EXOC6: variants seen among roughly 807,000 people sequenced by gnomAD.
The protein encoded by EXOC6 is exocyst complex component 6.
EXOC6 carries 60 observed loss-of-function variants against 112.5 expected under a neutral mutation model. That is an observed-to-expected ratio of 0.53 (90% confidence interval 0.43 to 0.66). The LOEUF is 0.66. EXOC6 is among the 30% of genes least tolerant of loss of function. The pLI is 0.00. For synonymous variants in EXOC6, 295 were observed against 308.0 expected (o/e 0.96, Z 0.44); for missense variants, 855 against 957.1 (o/e 0.89, Z 1.41).
In EXOC6 at chr10:93,057,026, C is replaced by G. The variant is rs1229522313; in HGVS notation, c.2272C>G (p.Leu758Val). 6.4e-7 allele frequency: 1 copy of G among 1,554,644 alleles called. No homozygotes were observed. The highest frequency in any genetic ancestry group is 2.1e-5 in the Admixed American group (1 of 47,772). ...LRVNPNTALT[L>V]LEKMKDTSKK... ...GGTGAATCCAAACACAGCCCTTACTCTTTTGGAGAAGTGAGTATATTCTGA... is the reference window on the plus strand; with the variant it reads ...GGTGAATCCAAACACAGCCCTTACTGTTTTGGAGAAGTGAGTATATTCTGA... Residue 758 changes from leucine to valine, a missense_variant, in exon 21 of 22, where the codon CTT becomes GTT. Around this residue, in one of 2 missense-constraint regions of EXOC6, gnomAD observed 450 missense variants for 563.5 expected, o/e 0.80. Transcript: ENST00000260762.
chr10:92,852,426 A>G (rs754569082), intron 1 of EXOC6, among the ~76,000 whole-genome samples: 1 of 149,306 alleles, frequency 6.7e-6, no homozygotes, highest in Non-Finnish European at 1.5e-5. Flanking sequence ...CTAGAAAAGG[A>G]AACTAAATCA....
At chr10:92,990,649 C>CATGTGCAGG (rs1298242691) in intron 18 of EXOC6, among the ~76,000 whole-genome samples, 1 of 152,060 alleles carries the variant, frequency 6.6e-6, no homozygotes, top group Non-Finnish European at 1.5e-5. Context: ...TTCCAGGGTA[C>CATGTGCAGG]ATGTGCAGGA....
At chr10:92,894,287 G>A (rs932516503) in intron 2 of EXOC6, among the ~76,000 whole-genome samples, 1 of 152,088 alleles carries the variant, frequency 6.6e-6, no homozygotes, top group Non-Finnish European at 1.5e-5. Flanking sequence ...TTAATATGTG[G>A]GAAAATTTGA....
At chr10:92,865,793 C>T (rs983877644) in intron 1 of EXOC6, among the ~76,000 whole-genome samples, 1 of 152,012 alleles carries the variant, frequency 6.6e-6, no homozygotes, top group African/African-American at 2.4e-5. Context: ...TTACTGATAA[C>T]CTAACAATCA....
intron 20 of EXOC6, among the ~76,000 whole-genome samples, chr10:93,049,214 T>C (rs1253877132): frequency 6.6e-6 from 1 of 152,022 alleles, no homozygotes; most frequent in East Asian, 1.9e-4. Flanking sequence ...CCTGCCACCA[T>C]GCCCGGCTAA....
At chr10:92,977,002 T>G (rs140107777) in intron 18 of EXOC6, among the ~76,000 whole-genome samples, 47 of 152,308 alleles carry the variant, frequency 3.1e-4, no homozygotes, top group African/African-American at 1.0e-3. Flanking sequence ...TGCAATAGTT[T>G]TATACAAAAA....
intron 20 of EXOC6, among the ~76,000 whole-genome samples, chr10:93,056,710 T>G (rs1564945632): frequency 6.6e-6 from 1 of 152,180 alleles, no homozygotes. Flanking sequence ...AGTATTTTAC[T>G]AGAAAACAAC....
chr10:92,975,784 G>A (rs1449155059), intron 18 of EXOC6, among the ~76,000 whole-genome samples: 3 of 133,808 alleles, frequency 2.2e-5, no homozygotes, highest in Non-Finnish European at 4.9e-5. Context: ...CCATCCGGGA[G>A]GGAGGTGGGG....
intron 17 of EXOC6, among the ~76,000 whole-genome samples, chr10:92,963,906 T>C (rs1252924470): frequency 6.6e-6 from 1 of 152,138 alleles, no homozygotes; most frequent in Non-Finnish European, 1.5e-5. Context: ...GGAGCAGATC[T>C]TGAGCTTTGT....
intron 4 of EXOC6, among the ~76,000 whole-genome samples, chr10:92,896,064 T>TAG (rs1849745139): frequency 2.7e-5 from 1 of 36,460 alleles, no homozygotes; most frequent in African/African-American, 1.6e-4. Flanking sequence ...TATGTGTATA[T>TAG]ATATGTGTAT....
intron 6 of EXOC6, among the ~76,000 whole-genome samples, chr10:92,913,570 C>T (rs867191935): frequency 4.6e-5 from 7 of 152,214 alleles, no homozygotes; most frequent in African/African-American, 9.7e-5. Context: ...TCACATTTCT[C>T]GGTCTGATGA....
intron 1 of EXOC6, among the ~76,000 whole-genome samples, chr10:92,876,800 G>T (rs1848703203): frequency 6.6e-6 from 1 of 152,130 alleles, no homozygotes; most frequent in African/African-American, 2.4e-5. Context: ...GGGGCTGTAA[G>T]AAAAATCACT....
upstream of EXOC6, chr10:92,848,437 C>CG: frequency 3.5e-6 from 3 of 856,910 alleles, no homozygotes; most frequent in Non-Finnish European, 4.3e-6. Flanking sequence ...CCGAGCGCCC[C>CG]GCCCCCGCCC....
chr10:93,055,879 T>G (rs1050148063), intron 20 of EXOC6, among the ~76,000 whole-genome samples: 1 of 152,164 alleles, frequency 6.6e-6, no homozygotes, highest in Non-Finnish European at 1.5e-5. Context: ...AAAAGCTAGT[T>G]TCTGGTGACC....
At chr10:92,972,945 A>G (rs923014655) in intron 17 of EXOC6, among the ~76,000 whole-genome samples, 2 of 152,192 alleles carry the variant, frequency 1.3e-5, no homozygotes, top group Non-Finnish European at 2.9e-5. Context: ...AGCTTTTCAG[A>G]GTCATCTGTG....
chr10:92,976,856 G>GCAAGGA (rs1256266945), intron 18 of EXOC6, among the ~76,000 whole-genome samples: 1 of 151,900 alleles, frequency 6.6e-6, no homozygotes, highest in Non-Finnish European at 1.5e-5. Context: ...AAAAGATACA[G>GCAAGGA]CAAGGACATT....
chr10:92,888,462 GT>G lies in EXOC6; in HGVS notation c.102-4884del, dbSNP rs746358296. 1.1e-4 allele frequency among the ~76,000 whole-genome samples: 17 copies of G among 152,192 alleles called. No individual in the cohort carries two copies. The South Asian group carries it at 1.2e-3, about 11-fold the overall frequency. On this transcript the variant is annotated intron_variant, in intron 1 of 21. Transcript: ENST00000260762. The stretch of plus-strand genomic sequence containing the variant: ...AAAGAACTATTGTTCTCTTCTTCCT[GT>G]TTATTTATGTTATTACTCTTCTTCA...
rs745331529 is a variant in EXOC6 at position 92,909,556 on chromosome 10, C to T, written c.588C>T (p.Ser196=). Residue 196 remains serine, a synonymous_variant, in exon 6 of 22, where the codon TCC becomes TCT. Coordinates refer to ENST00000260762, the MANE Select transcript of EXOC6 (RefSeq NM_019053.6). ...PKLREDIKEI[S]MSDLKDFLES... ...TCCGTGAGGATATTAAAGAAATCTC[C>T]ATGTCTGATCTCAAAGACTTTTTGG... 6.8e-6 allele frequency: 11 copies of T among 1,613,216 alleles called. No individual in the cohort carries two copies. Among genetic ancestry groups the T allele is most frequent in the Non-Finnish European group, 9.3e-6 (11 of 1,179,452 alleles).
intron 19 of EXOC6, among the ~76,000 whole-genome samples, chr10:93,008,967 C>T (rs1474950071): frequency 6.6e-6 from 1 of 152,154 alleles, no homozygotes; most frequent in Non-Finnish European, 1.5e-5. Flanking sequence ...TACCTGTAAT[C>T]TCAGCACTTC....
Sources: allele counts gnomAD v4.1 joint callset (sites outside exome capture counted in the v4.1 genomes callset), GRCh38; gene constraint gnomAD v4.1.1; regional missense constraint gnomAD v4.1.1; transcripts MANE v1.5; gene names NCBI Gene and HGNC (gene_info 2026-07-23, HGNC 2026-07-21).